Variants in ZDHHC24 observed in about 807,000 individuals in gnomAD.
ZDHHC24 encodes probable palmitoyltransferase ZDHHC24.
Under a neutral mutation model 23.2 loss-of-function variants are expected in ZDHHC24, and 17 were observed. The observed-to-expected ratio is 0.73, with a 90% CI of 0.50 to 1.10. The LOEUF (loss-of-function observed/expected upper bound fraction) is 1.10, where lower values mean the gene tolerates loss of function less well. ZDHHC24 is among the 50% of genes least tolerant of loss of function. The probability of loss-of-function intolerance (pLI) is 0.00; values close to 1 mark genes in which losing one functional copy is unlikely to be tolerated. For synonymous variants in ZDHHC24, 186 were observed against 194.5 expected (o/e 0.96, Z 0.36); for missense variants, 366 against 393.0 (o/e 0.93, Z 0.58).
chr11:66,543,672 G>A lies in ZDHHC24; in HGVS notation c.559+32C>T, dbSNP rs928594337. The A allele has an allele frequency of 3.3e-6, 5 of 1,534,094 alleles. No individual in the cohort carries two copies. The Admixed American group carries it at 8.2e-5, about 25-fold the overall frequency. On this transcript the variant is annotated intron_variant, in intron 2 of 2. Coordinates refer to ENST00000310442, the MANE Select transcript of ZDHHC24 (RefSeq NM_207340.3). Reference sequence around the variant, plus strand: ...TCCCCAGCCCAATACCAGGGCCCCTGCCTCTGTGCAGAGGCCTCCCAGGCT... The same window carrying A: ...TCCCCAGCCCAATACCAGGGCCCCTACCTCTGTGCAGAGGCCTCCCAGGCT...
chr11:66,528,595 G>A (rs1354762960), intron 3 of ZDHHC24, among the ~76,000 whole-genome samples: 1 of 152,118 alleles, frequency 6.6e-6, no homozygotes, highest in Admixed American at 6.6e-5. Context: ...GTGTGTGAAA[G>A]GTGTCATTTT....
At chr11:66,539,998 G>T (rs11825201) in intron 2 of ZDHHC24, among the ~76,000 whole-genome samples, 174 bp from the exon 3 acceptor site, 4 of 152,178 alleles carry the variant, frequency 2.6e-5, no homozygotes, top group Non-Finnish European at 5.9e-5. Context: ...CTGGGCAGAC[G>T]CAGCCCCCTA....
chr11:66,520,894 CT>C (rs1470522069), downstream of ZDHHC24: 2 of 337,814 alleles, frequency 5.9e-6, no homozygotes, highest in African/African-American at 4.3e-5. Context: ...AAGTTTTGTA[CT>C]TTTGGTAGAG....
At chr11:66,529,386 C>A in exon 3 of ZDHHC24, 4 of 1,370,382 alleles carry the variant, frequency 2.9e-6, no homozygotes, top group Non-Finnish European at 4.0e-6. Flanking sequence ...AGGAGGCAGG[C>A]GAGGGTGCTC....
At position 66,536,383 on chromosome 11, in the gene ZDHHC24, T is replaced by G. The variant is rs7116921; in HGVS notation, c.*3146A>C. ...ACCAGCCTGACCAACATGGTGAAAC[T>G]CCATCTCTACAAAAGTACAAAATTT... On this transcript the variant is annotated 3_prime_UTR_variant, in exon 3 of 3. Transcript: ENST00000310442. 2 of 149,612 alleles carry G rather than the reference T, an allele frequency of 1.3e-5. No homozygotes were observed. The highest frequency in any genetic ancestry group is 2.1e-4 in the South Asian group (1 of 4,704). The allele number at this position is 149,612 out of a possible 1,614,324, so 9.3% of individuals were successfully genotyped here. A position where few individuals can be genotyped will look rare whatever the true frequency, so the allele number is the denominator to read the frequency against.
downstream of ZDHHC24, chr11:66,531,831 C>T (rs2134841971): frequency 1.2e-6 from 2 of 1,610,848 alleles, no homozygotes; most frequent in East Asian, 2.2e-5. Flanking sequence ...TTAGGGGGCT[C>T]CTGGGTGGGG....
Position 66,536,207 on chromosome 11 carries a change from G to A in ZDHHC24, c.*3322C>T, listed in dbSNP as rs1309439787. ...TAACCTTCTCAAATGCAGTGGGGCTGTTTCCTCTTAATTTTTATAAATGTG... is the reference window on the plus strand; with the variant it reads ...TAACCTTCTCAAATGCAGTGGGGCTATTTCCTCTTAATTTTTATAAATGTG... On this transcript the variant is annotated 3_prime_UTR_variant, in exon 3 of 3. Coordinates refer to ENST00000310442, the MANE Select transcript of ZDHHC24 (RefSeq NM_207340.3). 1 of 152,462 alleles carries A rather than the reference G, an allele frequency of 6.6e-6. No homozygotes were observed. The highest frequency in any genetic ancestry group is 1.5e-5 in the Non-Finnish European group (1 of 68,222). 9.4% of individuals were successfully genotyped at this position (152,462 alleles called of 1,614,324 possible).
chr11:66,523,949 A>T (rs1708764202), intron 4 of ZDHHC24: 2 of 1,595,996 alleles, frequency 1.3e-6, no homozygotes, highest in Admixed American at 3.3e-5. Flanking sequence ...GGGGCTTCTT[A>T]GCTGCCTCTT....
intron 4 of ZDHHC24, chr11:66,523,971 T>A (rs531570803): frequency 9.0e-6 from 14 of 1,563,248 alleles, no homozygotes; most frequent in Non-Finnish European, 1.1e-5. Flanking sequence ...CGACCACACA[T>A]TGATGCATTT....
Position 66,543,604 on chromosome 11 carries a change from C to A in ZDHHC24, c.559+100G>T, listed in dbSNP as rs1857214711. On this transcript the variant is annotated intron_variant, in intron 2 of 2. Transcript: ENST00000310442. ...GCCATCACTGACACTGGGGCTGGGT[C>A]CCCCAGGCCAGAAAGCCCGTCTCCC... 3 of 1,413,650 alleles carry A rather than the reference C, an allele frequency of 2.1e-6. No individual in the cohort carries two copies. In the Admixed American group the frequency reaches 8.4e-5, roughly 40 times the overall value. The allele number at this position is 1,413,650 out of a possible 1,614,324, so 87.6% of individuals were successfully genotyped here.
chr11:66,540,183 C>T (rs974395165), intron 2 of ZDHHC24, among the ~76,000 whole-genome samples: 2 of 151,922 alleles, frequency 1.3e-5, no homozygotes, highest in Non-Finnish European at 1.5e-5. Context: ...TTTGGGGGGG[C>T]GAAGCAGATA....
Position 66,543,854 on chromosome 11 carries a change from G to T in ZDHHC24, c.409C>A (p.Arg137=), listed in dbSNP as rs138835172. The T allele has an allele frequency of 1.2e-6, 2 of 1,613,874 alleles. No individual in the cohort carries two copies. Among genetic ancestry groups the T allele is most frequent in the Non-Finnish European group, 8.5e-7 (1 of 1,179,862 alleles). Residue 137 remains arginine (R), a synonymous_variant, in exon 2 of 3, where the codon CGG becomes AGG. Transcript: ENST00000310442. ...LGRCVGFGNY[R]PFLCLLLHAA... ...TGAAGCAGCAGGCACAGGAAGGGCCGGTAGTTGCCGAAGCCCACGCAGCGG... is the reference window on the plus strand; with the variant it reads ...TGAAGCAGCAGGCACAGGAAGGGCCTGTAGTTGCCGAAGCCCACGCAGCGG...
rs768569567 is a variant in ZDHHC24, at chr11:66,543,833, G to A, written c.430C>T (p.Leu144Phe). 8 of 1,613,728 alleles carry A rather than the reference G, an allele frequency of 5.0e-6. No individual in the cohort carries two copies. The highest frequency in any genetic ancestry group is 6.8e-6 in the Non-Finnish European group (8 of 1,179,846). ...TGGAGCAGGACGCCGGCGGCATGAA[G>A]CAGCAGGCACAGGAAGGGCCGGTAG... ...GNYRPFLCLL[L>F]HAAGVLLHVS... Residue 144 changes from leucine (L) to phenylalanine (F), a missense_variant, in exon 2 of 3, where the codon CTT (leucine) becomes TTT (phenylalanine). Transcript: ENST00000310442.
In ZDHHC24 at chr11:66,539,794, G is replaced by A. The variant is rs201844506; in HGVS notation, c.590C>T (p.Ala197Val). 13 of 1,610,596 alleles carry A rather than the reference G, an allele frequency of 8.1e-6. No homozygotes were observed. Among genetic ancestry groups the A allele is most frequent in the Admixed American group, 1.7e-5 (1 of 59,658 alleles). Residue 197 changes from alanine (A) to valine (V), a missense_variant, in exon 3 of 3, where the codon GCC becomes GTC. By Grantham distance (64) the Ala-to-Val change is moderately conservative (BLOSUM62 0). Transcript: ENST00000310442. ...CGCCACGCACGTGTCCGTCACGAAG[G>A]CCAAGGCAAACTGTGCCAGAGACAC... is the stretch of plus-strand genomic sequence containing the variant. ...GRVSLAQFAL[A>V]FVTDTCVAGA... is the part of the protein sequence containing the mutation.
chr11:66,539,200 C>G lies in ZDHHC24; in HGVS notation c.*329G>C. On this transcript the variant is annotated 3_prime_UTR_variant, in exon 3 of 3. Coordinates refer to ENST00000310442, the MANE Select transcript of ZDHHC24 (RefSeq NM_207340.3). ...AGTTTCCAGGCCCTACAGAGGGTCC[C>G]AGAAACAGCCCCAGCAACAAAGTGA... The G allele has an allele frequency of 9.5e-7, 1 of 1,050,764 alleles. No homozygotes were observed. Among genetic ancestry groups the G allele is most frequent in the African/African-American group, 1.7e-5 (1 of 59,716 alleles). The allele number at this position is 1,050,764 out of a possible 1,614,324, so 65.1% of individuals were successfully genotyped here. A position where few individuals can be genotyped will look rare whatever the true frequency, so the allele number is the denominator to read the frequency against.
At chr11:66,531,938 C>A, downstream of ZDHHC24, 1 of 1,577,244 alleles carries the variant, frequency 6.3e-7, no homozygotes, top group Middle Eastern at 1.7e-4. Flanking sequence ...CTGCCATGGC[C>A]ACTCCTCCAT....
rs1427555889 is a variant in ZDHHC24, at chr11:66,535,982, T to C, written c.*3547A>G. On this transcript the variant is annotated 3_prime_UTR_variant, in exon 3 of 3. Transcript: ENST00000310442. ...ATACAGCTACACACAATAATCCGGATACATCTCAGGAACATAATCAAGTGA... is the reference window on the plus strand; with the variant it reads ...ATACAGCTACACACAATAATCCGGACACATCTCAGGAACATAATCAAGTGA... The C allele has an allele frequency of 6.6e-6, 1 of 152,162 alleles. No homozygotes were observed. The highest frequency in any genetic ancestry group is 2.1e-4 in the South Asian group (1 of 4,828). The allele number at this position is 152,162 out of a possible 1,614,324, so 9.4% of individuals were successfully genotyped here. A position where few individuals can be genotyped will look rare whatever the true frequency, so the allele number is the denominator to read the frequency against.
In ZDHHC24 at chr11:66,537,092, G is replaced by A. The variant is rs1315463187; in HGVS notation, c.*2437C>T. 6.6e-6 allele frequency: 1 copy of A among 151,828 alleles called. No individual in the cohort carries two copies. The highest frequency in any genetic ancestry group is 1.5e-5 in the Non-Finnish European group (1 of 67,944). The allele number at this position is 151,828 out of a possible 1,614,324, so 9.4% of individuals were successfully genotyped here. On this transcript the variant is annotated 3_prime_UTR_variant, in exon 3 of 3. Coordinates refer to ENST00000310442, the MANE Select transcript of ZDHHC24 (RefSeq NM_207340.3). ...GCATGGGCAGAGCCTGTCAGAGGGT[G>A]GGTTTCTCTGAAGGTTCTTGGGGGT... is the stretch of plus-strand genomic sequence containing the variant.
At chr11:66,532,026 G>C, downstream of ZDHHC24, 1 of 1,605,080 alleles carries the variant, frequency 6.2e-7, no homozygotes, top group Non-Finnish European at 8.5e-7. Context: ...CGAGGGGCTG[G>C]CGGCCGCCTG....
Sources: gnomAD v4.1 joint callset for allele counts (sites outside exome capture counted in the v4.1 genomes callset) on GRCh38, gnomAD v4.1.1 for gene constraint, MANE v1.5 for transcripts, NCBI Gene and HGNC (gene_info 2026-07-23, HGNC 2026-07-21) for gene names.